The following ZMYM4 variants were observed in gnomAD, a reference collection of about 807,000 sequenced individuals.
The protein encoded by ZMYM4 is zinc finger MYM-type containing 4, also known as zinc finger MYM-type protein 4.
In ZMYM4, 31 loss-of-function variants were observed where a neutral mutation model predicts 183.2. The observed-to-expected ratio is 0.17, with a 90% CI of 0.13 to 0.23. The LOEUF is 0.23. Ranked by LOEUF, ZMYM4 falls within the 10% of genes least tolerant of loss-of-function variation. The pLI is 1.00. For missense variants in ZMYM4, 1,273 were observed against 1,840.3 expected (o/e 0.69, Z 5.64); for synonymous variants, 592 against 631.2 (o/e 0.94, Z 0.93).
chr1:35,285,763 G>A (rs1640451696), intron 1 of ZMYM4, among the ~76,000 whole-genome samples: 2 of 152,060 alleles, frequency 1.3e-5, no homozygotes, highest in African/African-American at 4.8e-5. Context: ...GGGGGTCCAG[G>A]GTCCAGTCCC....
Position 35,361,927 on chromosome 1 carries a change from G to A in ZMYM4, c.840+138G>A, listed in dbSNP as rs544546385. 43 of 1,142,766 alleles carry A rather than the reference G, an allele frequency of 3.8e-5. No homozygotes were observed. In the South Asian group the frequency reaches 7.4e-4, roughly 20 times the overall value. The allele number at this position is 1,142,766 out of a possible 1,614,324, so 70.8% of individuals were successfully genotyped here. A position where few individuals can be genotyped will look rare whatever the true frequency, so the allele number is the denominator to read the frequency against. ...CTCTTAAAGAAGGTTGAGGCGATTT[G>A]AATTACCATATAAGGCATTAACGAG... On this transcript the variant is annotated intron_variant, in intron 5 of 29. Coordinates refer to ENST00000314607, the MANE Select transcript of ZMYM4 (RefSeq NM_005095.3).
chr1:35,410,139 A>G (rs1021012802), intron 26 of ZMYM4, among the ~76,000 whole-genome samples: 2 of 152,042 alleles, frequency 1.3e-5, no homozygotes, highest in African/African-American at 2.4e-5. Flanking sequence ...CTTTTTAACA[A>G]TCAGATCTCT....
chr1:35,339,290 A>G (rs566814059), intron 2 of ZMYM4, among the ~76,000 whole-genome samples: 2 of 152,014 alleles, frequency 1.3e-5, no homozygotes, highest in East Asian at 3.9e-4. Flanking sequence ...GCTGGAGTGC[A>G]GTGGCGCGAT....
intron 2 of ZMYM4, among the ~76,000 whole-genome samples, chr1:35,347,062 A>G (rs913231315): frequency 1.3e-5 from 2 of 152,132 alleles, no homozygotes; most frequent in Admixed American, 6.5e-5. Flanking sequence ...CTGGAGTGCA[A>G]TGGCACTGTC....
intron 1 of ZMYM4, among the ~76,000 whole-genome samples, chr1:35,270,461 G>A (rs931799790): frequency 3.3e-5 from 5 of 152,104 alleles, no homozygotes; most frequent in Admixed American, 6.5e-5. Context: ...AGATCCTACT[G>A]TTAACATTGC....
intron 1 of ZMYM4, among the ~76,000 whole-genome samples, chr1:35,297,478 C>CA (rs548995290): frequency 0.083 from 10,478 of 126,716 alleles, 621 homozygotes; most frequent in African/African-American, 0.18. Flanking sequence ...GTGCTTGTCA[C>CA]AAAAAAAAAA....
At chr1:35,336,170 G>A (rs1043713407) in intron 2 of ZMYM4, among the ~76,000 whole-genome samples, 9 of 152,074 alleles carry the variant, frequency 5.9e-5, no homozygotes, top group Admixed American at 1.3e-4. Context: ...CTGTGTGTAC[G>A]TTAGCATATC....
chr1:35,277,987 A>G (rs1279994905), intron 1 of ZMYM4, among the ~76,000 whole-genome samples: 1 of 152,174 alleles, frequency 6.6e-6, no homozygotes, highest in Non-Finnish European at 1.5e-5. Context: ...ACTGCTACAT[A>G]CTTGGTAGCT....
intron 7 of ZMYM4, 100 bp downstream of exon 7, chr1:35,370,727 CTTTTTTTTTT>C (rs3066096): frequency 3.0e-4 from 85 of 284,256 alleles, no homozygotes; most frequent in Admixed American, 9.3e-4. Flanking sequence ...ACATTTATTC[CTTTTTTTTTT>C]TTTTTTTTTT....
chr1:35,375,657 C>T (rs559986), intron 7 of ZMYM4, among the ~76,000 whole-genome samples: 50,271 of 152,122 alleles, frequency 0.33, 14,026 homozygotes, highest in East Asian at 0.77. Flanking sequence ...GAATAAATTT[C>T]ATTTTTCTTA....
chr1:35,323,583 G>A (rs965877339), intron 1 of ZMYM4, among the ~76,000 whole-genome samples: 8 of 147,918 alleles, frequency 5.4e-5, no homozygotes, highest in African/African-American at 1.7e-4. Flanking sequence ...TCGCTCTGTC[G>A]CCCAGGCTGG....
chr1:35,296,681 A>G (rs1022980887), intron 1 of ZMYM4, among the ~76,000 whole-genome samples: 3 of 151,984 alleles, frequency 2.0e-5, no homozygotes, highest in Non-Finnish European at 2.9e-5. Context: ...ATATCACATG[A>G]TTTTCCAGCA....
At chr1:35,291,124 A>G (rs935266491) in intron 1 of ZMYM4, among the ~76,000 whole-genome samples, 2 of 152,146 alleles carry the variant, frequency 1.3e-5, no homozygotes, top group Non-Finnish European at 2.9e-5. Context: ...TTATATAAAC[A>G]TGTTTTCATT....
In ZMYM4 at chr1:35,415,633, C is replaced by T. The variant is rs191217255; in HGVS notation, c.4228C>T (p.Arg1410Trp). The T allele has an allele frequency of 6.8e-6, 11 of 1,614,120 alleles. No individual in the cohort carries two copies. The highest frequency in any genetic ancestry group is 5.0e-5 in the Admixed American group (3 of 60,022). Residue 1410 changes from arginine to tryptophan, a missense_variant, in exon 28 of 30, where the codon CGG (arginine) becomes TGG (tryptophan). Arg to Trp is a moderately radical substitution (Grantham distance 101, BLOSUM62 -3). Transcript: ENST00000314607. ...GCTTTCCTTTGCCCATGTGATGAGA[C>T]GGACCAGGACTCTGAAGTACAGTAC... Reference protein sequence around the residue: ...LKLSFAHVMRRTRTLKYSTKM... With the variant: ...LKLSFAHVMRWTRTLKYSTKM...
In ZMYM4 at chr1:35,405,187, A is replaced by G. The variant is rs142712329; in HGVS notation, c.3693A>G (p.Lys1231=). ...CCAAGGAAGAGCAGGGGGATCTAAA[A>G]TGTGGAGGTAAGTGCACAGCATGAA... ...KNAKEEQGDL[K]CGGVEQASSS... Residue 1231 remains lysine, a synonymous_variant, in exon 24 of 30, where the codon AAA becomes AAG. Transcript: ENST00000314607. 3.7e-5 allele frequency: 60 copies of G among 1,613,966 alleles called. No homozygotes were observed. The highest frequency in any genetic ancestry group is 4.8e-5 in the Non-Finnish European group (57 of 1,179,916).
intron 5 of ZMYM4, among the ~76,000 whole-genome samples, chr1:35,364,268 G>A (rs1029175148): frequency 3.3e-5 from 5 of 152,136 alleles, no homozygotes; most frequent in African/African-American, 1.2e-4. Flanking sequence ...AGATCCAAAA[G>A]CATTCTTTAC....
chr1:35,351,719 G>GGAA (rs1438047418), intron 2 of ZMYM4: 3 of 425,990 alleles, frequency 7.0e-6, no homozygotes, highest in Non-Finnish European at 1.3e-5. Flanking sequence ...ATGTGCAGGA[G>GGAA]GAATATGTTA....
rs1641648406 is a variant in ZMYM4, at chr1:35,308,483, G to T, written c.40-16877G>T. On this transcript the variant is annotated intron_variant, in intron 1 of 29. Transcript: ENST00000314607. ...TCTCTCATAATTTGGTGGTTGAGCT[G>T]GTCTAGAACCCTAGTCGCCTGAACT... is the stretch of plus-strand genomic sequence containing the variant. 2.0e-5 allele frequency among the ~76,000 whole-genome samples: 3 copies of T among 152,096 alleles called. No homozygotes were observed. In the South Asian group the frequency reaches 6.2e-4, roughly 32 times the overall value.
chr1:35,395,613 T>C (rs888253242), intron 18 of ZMYM4, among the ~76,000 whole-genome samples: 1 of 152,182 alleles, frequency 6.6e-6, no homozygotes, highest in Admixed American at 6.5e-5. Context: ...GTTGTACCCA[T>C]CATATGTTAA....
Sources: allele counts gnomAD v4.1 joint callset (sites outside exome capture counted in the v4.1 genomes callset), GRCh38; gene constraint gnomAD v4.1.1; transcripts MANE v1.5; gene names NCBI Gene and HGNC (gene_info 2026-07-23, HGNC 2026-07-21).